The following GRPEL1 variants were observed in gnomAD, a reference collection of about 807,000 sequenced individuals.
The protein encoded by GRPEL1 is GrpE like 1, mitochondrial.
In GRPEL1, 13 loss-of-function variants were observed where a neutral mutation model predicts 22.1. That is an observed-to-expected ratio of 0.59 (90% confidence interval 0.38 to 0.94). The LOEUF is 0.94. Among genes scored for constraint, GRPEL1 ranks in the 40% least tolerant of loss-of-function variants. The pLI, the probability that GRPEL1 is intolerant of heterozygous loss-of-function variation, is 0.00. For missense variants in GRPEL1, 289 were observed against 264.6 expected (o/e 1.09, Z -0.64); for synonymous variants, 109 against 105.3 (o/e 1.03, Z -0.21).
intron 2 of GRPEL1, 29 bp from the exon 3 acceptor site, chr4:7,062,495 T>TATATAC: frequency 2.1e-5 from 1 of 47,136 alleles, no homozygotes; most frequent in Non-Finnish European, 3.9e-5. Context: ...GATATTTATA[T>TATATAC]ATATATATAT....
At chr4:7,066,698 C>T (rs1042738839) in intron 1 of GRPEL1, among the ~76,000 whole-genome samples, 4 of 152,204 alleles carry the variant, frequency 2.6e-5, no homozygotes, top group African/African-American at 9.6e-5. Flanking sequence ...TCTTCACAGA[C>T]CCCTTTCCGA....
At position 7,060,762 on chromosome 4, in the gene GRPEL1, G is replaced by A; in HGVS notation, c.*100C>T. 8.9e-7 allele frequency: 1 copy of A among 1,119,716 alleles called. No individual in the cohort carries two copies. The highest frequency in any genetic ancestry group is 1.3e-6 in the Non-Finnish European group (1 of 773,922). 69.4% of individuals were successfully genotyped at this position (1,119,716 alleles called of 1,614,324 possible). On this transcript the variant is annotated 3_prime_UTR_variant, in exon 4 of 4. Coordinates refer to ENST00000264954, the MANE Select transcript of GRPEL1 (RefSeq NM_025196.4). ...CTGGTTACTTAAGGTTTCCAATAAGGTTTGGGAAAAGGTCACACGTACTCA... is the reference window on the plus strand; with the variant it reads ...CTGGTTACTTAAGGTTTCCAATAAGATTTGGGAAAAGGTCACACGTACTCA...
At position 7,060,942 on chromosome 4, in the gene GRPEL1, C is replaced by T. The variant is rs1322967005; in HGVS notation, c.574G>A (p.Ala192Thr). ...PVEGKEPGTV[A>T]LVSKVGYKLH... Reference sequence around the variant, plus strand: ...TTGTACCCCACTTTGCTAACTAGGGCCACTGTGCCTGGCTCCTTCCCCTCA... The same window carrying T: ...TTGTACCCCACTTTGCTAACTAGGGTCACTGTGCCTGGCTCCTTCCCCTCA... Residue 192 changes from alanine (A) to threonine (T), a missense_variant, in exon 4 of 4, where the codon GCC (alanine) becomes ACC (threonine). Ala to Thr is a moderately conservative substitution (Grantham distance 58). Transcript: ENST00000264954. 1 of 1,614,064 alleles carries T rather than the reference C, an allele frequency of 6.2e-7. No individual in the cohort carries two copies. Among genetic ancestry groups the T allele is most frequent in the African/African-American group, 1.3e-5 (1 of 74,920 alleles).
At position 7,060,096 on chromosome 4, in the gene GRPEL1, T is replaced by C. The variant is rs963215586; in HGVS notation, c.*766A>G. The C allele has an allele frequency of 2.6e-5, 4 of 152,234 alleles. No homozygotes were observed. Among genetic ancestry groups the C allele is most frequent in the African/African-American group, 9.6e-5 (4 of 41,462 alleles). The allele number at this position is 152,234 out of a possible 1,614,324, so 9.4% of individuals were successfully genotyped here. A position where few individuals can be genotyped will look rare whatever the true frequency, so the allele number is the denominator to read the frequency against. On this transcript the variant is annotated 3_prime_UTR_variant, in exon 4 of 4. Transcript: ENST00000264954. ...GGGCTTTAATCCTCTTAAATAAAAA[T>C]TTTAAATTAAACATTAACATTTAAA...
At chr4:7,063,068 A>G (rs1054628274) in intron 2 of GRPEL1, among the ~76,000 whole-genome samples, 1 of 149,828 alleles carries the variant, frequency 6.7e-6, no homozygotes, top group African/African-American at 2.5e-5. Flanking sequence ...ATGTCTCACC[A>G]CCTTCCGGTA....
chr4:7,061,918 A>ATT (rs1724050274), intron 3 of GRPEL1: 1 of 152,826 alleles, frequency 6.5e-6, no homozygotes, highest in African/African-American at 2.4e-5. Flanking sequence ...GCACTCAAAC[A>ATT]ACCAGCCTGT....
Position 7,064,104 on chromosome 4 carries a change from A to G in GRPEL1, c.182T>C (p.Leu61Pro). ...TTCCTCCAACTTGACCTTCTCTTCC[A>G]GGAGGGTCTTCTCTGTAGCAGGAGG... is the stretch of plus-strand genomic sequence containing the variant. ...ADPPATEKTL[L>P]EEKVKLEEQL... The change falls in exon 2 of 4, where the codon CTG (leucine) becomes CCG (proline). Residue 61 changes from leucine to proline, a missense_variant. Physicochemically the swap from Leu to Pro is moderately conservative, Grantham distance 98. Coordinates refer to ENST00000264954, the MANE Select transcript of GRPEL1 (RefSeq NM_025196.4). The G allele has an allele frequency of 2.5e-6, 4 of 1,614,178 alleles. No homozygotes were observed. The highest frequency in any genetic ancestry group is 3.4e-6 in the Non-Finnish European group (4 of 1,180,022).
At chr4:7,062,656 C>A (rs543166144) in intron 2 of GRPEL1, among the ~76,000 whole-genome samples, 190 bp from the exon 3 acceptor site, 1 of 151,696 alleles carries the variant, frequency 6.6e-6, no homozygotes, top group Non-Finnish European at 1.5e-5. Context: ...GGACTACAGG[C>A]GCCTGCCACC....
chr4:7,062,231 C>G, intron 3 of GRPEL1, 154 bp downstream of exon 3: 1 of 441,860 alleles, frequency 2.3e-6, no homozygotes, highest in Non-Finnish European at 4.2e-6. Context: ...GACACCTTTG[C>G]TGTTGAGCCA....
chr4:7,067,151 G>A (rs1724187681), intron 1 of GRPEL1, among the ~76,000 whole-genome samples: 1 of 152,180 alleles, frequency 6.6e-6, no homozygotes. Flanking sequence ...TTGGCCCTCA[G>A]TGGCTTCTCT....
At chr4:7,064,843 ACAG>A (rs1724129691) in intron 1 of GRPEL1, among the ~76,000 whole-genome samples, 1 of 152,084 alleles carries the variant, frequency 6.6e-6, no homozygotes, top group East Asian at 1.9e-4. Flanking sequence ...CACCCAAGCT[ACAG>A]TATGGTGGCA....
rs746403667 is a variant in GRPEL1, at chr4:7,068,007, G to C, written c.26C>G (p.Ala9Gly). MAAQCVRL[A>G]RRSLPALALS... ...CGCCAAAGCAGGAAGACTGCGCCGCGCCAACCTCACGCACTGAGCCGCCAT... is the reference window on the plus strand; with the variant it reads ...CGCCAAAGCAGGAAGACTGCGCCGCCCCAACCTCACGCACTGAGCCGCCAT... Residue 9 changes from alanine to glycine, a missense_variant, in exon 1 of 4, where the codon GCG (alanine) becomes GGG (glycine). By Grantham distance (60) the Ala-to-Gly change is moderately conservative. Coordinates refer to ENST00000264954, the MANE Select transcript of GRPEL1 (RefSeq NM_025196.4). 6.2e-7 allele frequency: 1 copy of C among 1,613,116 alleles called. No homozygotes were observed. The highest frequency in any genetic ancestry group is 2.2e-5 in the East Asian group (1 of 44,856).
In GRPEL1 at chr4:7,060,573, G is replaced by C; in HGVS notation, c.*289C>G. 1 of 435,246 alleles carries C rather than the reference G, an allele frequency of 2.3e-6. No homozygotes were observed. The highest frequency in any genetic ancestry group is 4.1e-6 in the Non-Finnish European group (1 of 243,928). The allele number at this position is 435,246 out of a possible 1,614,324, so 27.0% of individuals were successfully genotyped here. On this transcript the variant is annotated 3_prime_UTR_variant, in exon 4 of 4. Coordinates refer to ENST00000264954, the MANE Select transcript of GRPEL1 (RefSeq NM_025196.4). ...TTTAAAATACTTTGGTGTCAGCAGA[G>C]TCTGAGCAGACACGTTACTCATGAT...
At chr4:7,066,805 A>G (rs995882027) in intron 1 of GRPEL1, among the ~76,000 whole-genome samples, 1 of 152,196 alleles carries the variant, frequency 6.6e-6, no homozygotes, top group Non-Finnish European at 1.5e-5. Context: ...CAGAAAGCCT[A>G]GTTACTCTGA....
At chr4:7,067,910 C>T (rs1724214329) in intron 1 of GRPEL1, 61 bp downstream of exon 1, 4 of 1,549,128 alleles carry the variant, frequency 2.6e-6, no homozygotes, top group Admixed American at 1.7e-5. Flanking sequence ...CCGGGAAAGG[C>T]CCCCATCGGA....
At chr4:7,062,754 C>T (rs183193945) in intron 2 of GRPEL1, among the ~76,000 whole-genome samples, 166 of 152,098 alleles carry the variant, frequency 1.1e-3, no homozygotes, top group African/African-American at 2.4e-3. Flanking sequence ...CCTTGTGATC[C>T]GACCGCCTCG....
Position 7,060,883 on chromosome 4 carries a change from C to G in GRPEL1, c.633G>C (p.Val211=), listed in dbSNP as rs1197308194. ...GCAGCTAAGCTTCCTTCACCACCCC[C>G]ACCAGGGCGGGTCTCAGAGTGCGCC... is the stretch of plus-strand genomic sequence containing the variant. The part of the protein sequence containing the change: ...LHGRTLRPAL[V]GVVKEA The change falls in exon 4 of 4, where the codon GTG becomes GTC. Residue 211 remains valine (V), a synonymous_variant. Coordinates refer to ENST00000264954, the MANE Select transcript of GRPEL1 (RefSeq NM_025196.4). 3 of 1,613,120 alleles carry G rather than the reference C, an allele frequency of 1.9e-6. No individual in the cohort carries two copies. Among genetic ancestry groups the G allele is most frequent in the Admixed American group, 1.7e-5 (1 of 59,962 alleles).
chr4:7,062,426 C>T lies in GRPEL1; in HGVS notation c.266G>A (p.Arg89Gln), dbSNP rs948941887. The change falls in exon 3 of 4, where the codon CGG (arginine) becomes CAG (glutamine). Residue 89 changes from arginine to glutamine, a missense_variant. Transcript: ENST00000264954. ...KRALADTENLRQRSQKLVEEA... is the reference protein window; with the variant it reads ...KRALADTENLQQRSQKLVEEA... ...CTCCACCAATTTCTGGCTCCTCTGC[C>T]GTAAGTTCTCAGTGTCTGCCAAAGC... The T allele has an allele frequency of 6.3e-6, 10 of 1,597,616 alleles. No individual in the cohort carries two copies. The highest frequency in any genetic ancestry group is 1.1e-5 in the South Asian group (1 of 89,578).
chr4:7,062,975 C>T (rs747201497), intron 2 of GRPEL1, among the ~76,000 whole-genome samples: 1 of 152,170 alleles, frequency 6.6e-6, no homozygotes, highest in Non-Finnish European at 1.5e-5. Context: ...CACTCATGAT[C>T]TTTTGCTATG....
Sources: gnomAD v4.1 joint callset for allele counts (sites outside exome capture counted in the v4.1 genomes callset) on GRCh38, gnomAD v4.1.1 for gene constraint, MANE v1.5 for transcripts, NCBI Gene and HGNC (gene_info 2026-07-23, HGNC 2026-07-21) for gene names.